Variants in FAM120AOS observed in about 807,000 individuals in gnomAD.
FAM120AOS encodes the protein uncharacterized protein FAM120AOS.
In FAM120AOS, 15 loss-of-function variants were observed where a neutral mutation model predicts 20.2. The ratio of observed to expected loss-of-function variants is 0.74; its 90% CI spans 0.50 to 1.15. The LOEUF is 1.15. Ranked by LOEUF, FAM120AOS falls within the 50% of genes most tolerant of loss-of-function variation. The probability of loss-of-function intolerance (pLI) is 0.00; values close to 1 mark genes in which losing one functional copy is unlikely to be tolerated. For synonymous variants in FAM120AOS, 154 were observed against 154.0 expected (o/e 1.00, Z 0.00); for missense variants, 327 against 351.9 (o/e 0.93, Z 0.57).
At chr9:93,447,820 T>C in intron 2 of FAM120AOS, 123 bp from the exon 3 acceptor site, 1 of 813,088 alleles carries the variant, frequency 1.2e-6, no homozygotes, top group African/African-American at 1.7e-5. Flanking sequence ...CTACTGCTGA[T>C]AACTCATAGT....
At position 93,452,415 on chromosome 9, in the gene FAM120AOS, G is replaced by T; in HGVS notation, c.295C>A (p.Arg99=). The change falls in exon 1 of 3, where the codon CGG becomes AGG. Residue 99 remains arginine, a synonymous_variant. Transcript: ENST00000375412. This position sits in a 1 kb window ranked among gnomAD's most constrained non-coding sequence, Gnocchi z 7.0. ...GIGVRRGPGP[R]PARIPGLTLT... is the part of the protein sequence containing the mutation. ...GTGAGGCCGGGGATCCGGGCGGGCC[G>T]GGGACCGGGGCCGCGCCGCACCCCT... 1.3e-6 allele frequency: 2 copies of T among 1,583,458 alleles called. No homozygotes were observed. Among genetic ancestry groups the T allele is most frequent in the East Asian group, 2.3e-5 (1 of 43,344 alleles).
chr9:93,450,791 T>C (rs1334620103), intron 1 of FAM120AOS, 192 bp from the exon 2 acceptor site: 5 of 1,037,924 alleles, frequency 4.8e-6, no homozygotes, highest in South Asian at 1.4e-5. Flanking sequence ...TGGAACAGAA[T>C]TTACGTAAAC....
In FAM120AOS at chr9:93,452,488, G is replaced by C. The variant is rs777708984; in HGVS notation, c.222C>G (p.Pro74=). The C allele has an allele frequency of 4.5e-6, 7 of 1,544,096 alleles. No homozygotes were observed. In the Admixed American group the frequency reaches 1.4e-4, roughly 30 times the overall value. ...ATGTCGCCCGGCCGTGGCGGCGCTG[G>C]GGGCAGCGAGTTCCCCCAGCCCTTG... ...SRARAGGTRC[P]QRRHGRATFC... The change falls in exon 1 of 3, where the codon CCC becomes CCG. Residue 74 remains proline (P), a synonymous_variant. Coordinates refer to ENST00000375412, the MANE Select transcript of FAM120AOS (RefSeq NM_198841.4). This position sits in a 1 kb window ranked among gnomAD's most constrained non-coding sequence, Gnocchi z 7.0.
chr9:93,447,806 T>C (rs1432868288), intron 2 of FAM120AOS, 109 bp from the exon 3 acceptor site: 8 of 936,268 alleles, frequency 8.5e-6, no homozygotes, highest in South Asian at 1.5e-5. Context: ...TCTCCTACCC[T>C]CTGCTACTGC....
At chr9:93,450,845 C>A in intron 1 of FAM120AOS, 1 of 901,734 alleles carries the variant, frequency 1.1e-6, no homozygotes, top group Non-Finnish European at 1.8e-6. Context: ...AGATTCAAAT[C>A]CCTCTCCCTC....
In FAM120AOS at chr9:93,452,185, C is replaced by T. The variant is rs752079061; in HGVS notation, c.525G>A (p.Ser175=). Reference sequence around the variant, plus strand: ...CCAAGGCCTGCTTCGGCGGCAACATCGAGCTCTTCGTCTTCTTCAACGGCG... The same window carrying T: ...CCAAGGCCTGCTTCGGCGGCAACATTGAGCTCTTCGTCTTCTTCAACGGCG... ...SSAPLKKTKS[S]MLPPKQALAS... Residue 175 remains serine, a synonymous_variant, in exon 1 of 3, where the codon TCG becomes TCA. Coordinates refer to ENST00000375412, the MANE Select transcript of FAM120AOS (RefSeq NM_198841.4). The surrounding 1 kb of genome is among the most constrained non-coding windows in gnomAD (Gnocchi z 7.0). 1.9e-6 allele frequency: 3 copies of T among 1,612,036 alleles called. No homozygotes were observed. The East Asian group carries it at 6.7e-5, about 36-fold the overall frequency.
At position 93,450,494 on chromosome 9, in the gene FAM120AOS, T is replaced by C; in HGVS notation, c.669A>G (p.Ile223Met). Reference protein sequence around the residue: ...HAHGLAKEAPILPVKKISRSC... With the variant: ...HAHGLAKEAPMLPVKKISRSC... Reference sequence around the variant, plus strand: ...TCCAACTTGCCTTTTTCACCGGGAGTATGGGGGCTTCTTTGGCCAAACCGT... The same window carrying C: ...TCCAACTTGCCTTTTTCACCGGGAGCATGGGGGCTTCTTTGGCCAAACCGT... Residue 223 changes from isoleucine (I) to methionine (M), a missense_variant, in exon 2 of 3, where the codon ATA becomes ATG. Around this residue, in one of 3 missense-constraint regions of FAM120AOS, gnomAD observed 86 missense variants for 82.9 expected, o/e 1.04. Coordinates refer to ENST00000375412, the MANE Select transcript of FAM120AOS (RefSeq NM_198841.4). 1 of 1,579,726 alleles carries C rather than the reference T, an allele frequency of 6.3e-7. No individual in the cohort carries two copies.
In FAM120AOS at chr9:93,453,232, G is replaced by T. The variant is rs1009398507; in HGVS notation, c.-523C>A. ...CACAGTAAGTATTCAGTGACCTTCA[G>T]CGGTGCCCTGACGGGTGGGTAATCA... On this transcript the variant is annotated 5_prime_UTR_variant, in exon 1 of 3. It adds an upstream start codon to the 5' untranslated region. Coordinates refer to ENST00000375412, the MANE Select transcript of FAM120AOS (RefSeq NM_198841.4). The T allele has an allele frequency of 1.0e-6, 1 of 996,394 alleles. No homozygotes were observed. Among genetic ancestry groups the T allele is most frequent in the South Asian group, 4.4e-5 (1 of 22,974 alleles). The allele number at this position is 996,394 out of a possible 1,614,324, so 61.7% of individuals were successfully genotyped here.
chr9:93,450,854 T>G, intron 1 of FAM120AOS: 1 of 908,074 alleles, frequency 1.1e-6, no homozygotes, highest in African/African-American at 1.6e-5. Context: ...TCCCTCTCCC[T>G]CAGAAGAGCT....
At chr9:93,451,222 C>T in intron 1 of FAM120AOS, 1 of 1,525,922 alleles carries the variant, frequency 6.6e-7, no homozygotes, top group African/African-American at 1.4e-5. Flanking sequence ...CCGACGGCGG[C>T]GTTAGAAAGG....
At chr9:93,451,703 G>C (rs1857216510) in intron 1 of FAM120AOS, 1 of 984,878 alleles carries the variant, frequency 1.0e-6, no homozygotes. Flanking sequence ...CGCAGCGGCG[G>C]CAGCGGCGGC....
chr9:93,447,843 G>T, intron 2 of FAM120AOS, 146 bp from the exon 3 acceptor site: 1 of 704,900 alleles, frequency 1.4e-6, no homozygotes, highest in Non-Finnish European at 2.3e-6. Flanking sequence ...TGGAGAGATA[G>T]CAGAGCCTGA....
Position 93,445,547 on chromosome 9 carries a change from C to G in FAM120AOS, c.*2064G>C, listed in dbSNP as rs10992738. Among the ~76,000 whole-genome samples the G allele has an allele frequency of 7.0e-6, 1 of 142,534 alleles. No individual in the cohort carries two copies. Among genetic ancestry groups the G allele is most frequent in the African/African-American group, 2.6e-5 (1 of 38,296 alleles). 93.5% of individuals were successfully genotyped at this position (142,534 alleles called of 152,430 possible). A position where few individuals can be genotyped will look rare whatever the true frequency, so the allele number is the denominator to read the frequency against. On this transcript the variant is annotated 3_prime_UTR_variant, in exon 3 of 3. Transcript: ENST00000375412. ...CTGTCATTCTTAGTTCCCACCCAGT[C>G]TTAATCCTGGTTCTCCAACTTTCAT...
rs776983861 is a variant in FAM120AOS at position 93,452,549 on chromosome 9, G to A, written c.161C>T (p.Ser54Phe). The change falls in exon 1 of 3, where the codon TCC (serine) becomes TTC (phenylalanine). Residue 54 changes from serine to phenylalanine, a missense_variant. By Grantham distance (155) the Ser-to-Phe change is radical (BLOSUM62 -2). Coordinates refer to ENST00000375412, the MANE Select transcript of FAM120AOS (RefSeq NM_198841.4). This position sits in a 1 kb window ranked among gnomAD's most constrained non-coding sequence, Gnocchi z 7.0. ...CCTGGCCGGGCCGGGCTGCAAGATG[G>A]ATGGCCGCGGGTGCAGGCCGCGCGC... ...WAARGLHPRPSILQPGPARLS... is the reference protein window; with the variant it reads ...WAARGLHPRPFILQPGPARLS... 6 of 1,579,484 alleles carry A rather than the reference G, an allele frequency of 3.8e-6. No individual in the cohort carries two copies. The highest frequency in any genetic ancestry group is 2.2e-5 in the South Asian group (2 of 89,722).
chr9:93,443,777 T>C lies in FAM120AOS; in HGVS notation c.*3834A>G, dbSNP rs188352356. On this transcript the variant is annotated 3_prime_UTR_variant, in exon 3 of 3. Transcript: ENST00000375412. ...TTAGAGAATCCTCTTTTCAGGTCTT[T>C]GCTCTTCAGGATTTCCCCCCAGACT... is the stretch of plus-strand genomic sequence containing the variant. Among the ~76,000 whole-genome samples the C allele has an allele frequency of 6.6e-6, 1 of 152,286 alleles. No homozygotes were observed. Among genetic ancestry groups the C allele is most frequent in the East Asian group, 1.9e-4 (1 of 5,188 alleles).
At chr9:93,449,610 C>A (rs1455952424) in intron 2 of FAM120AOS, among the ~76,000 whole-genome samples, 2 of 151,256 alleles carry the variant, frequency 1.3e-5, no homozygotes, top group Admixed American at 6.6e-5. Context: ...GCCTCAGCCT[C>A]CCGAGTAGCT....
intron 2 of FAM120AOS, chr9:93,448,384 C>T: frequency 5.7e-6 from 1 of 174,344 alleles, no homozygotes; most frequent in Non-Finnish European, 1.2e-5. Context: ...ATCCCAGCTA[C>T]TCCAGAGGCT....
rs542126794 is a variant in FAM120AOS, at chr9:93,448,825, G to A, written c.685-1128C>T. On this transcript the variant is annotated intron_variant, in intron 2 of 2. Coordinates refer to ENST00000375412, the MANE Select transcript of FAM120AOS (RefSeq NM_198841.4). ...TTTTTAGTAGAGACGGAGTTTCACC[G>A]TGTTAGCCAGGATGGTCTGGATTTC... Among the ~76,000 whole-genome samples, 54 of 151,962 alleles carry A rather than the reference G, an allele frequency of 3.6e-4. 1 individual carries two copies. Among genetic ancestry groups the A allele is most frequent in the Non-Finnish European group, 4.3e-4 (29 of 67,976 alleles).
At position 93,450,575 on chromosome 9, in the gene FAM120AOS, G is replaced by A; in HGVS notation, c.588C>T (p.Cys196=). 1 of 1,606,796 alleles carries A rather than the reference G, an allele frequency of 6.2e-7. No individual in the cohort carries two copies. The highest frequency in any genetic ancestry group is 1.3e-5 in the African/African-American group (1 of 74,486). ...AARNLCRGAG[C]NRQAVAGQLL... ...GCTGTCCGGCCACAGCCTGTCGGTT[G>A]CATCCTGCTCCTCTACAGAGGTTTC... The change falls in exon 2 of 3, where the codon TGC becomes TGT. Residue 196 remains cysteine (C), a synonymous_variant. Coordinates refer to ENST00000375412, the MANE Select transcript of FAM120AOS (RefSeq NM_198841.4).
Sources: allele counts gnomAD v4.1 joint callset (sites outside exome capture counted in the v4.1 genomes callset), GRCh38; gene constraint gnomAD v4.1.1; regional missense constraint gnomAD v4.1.1; non-coding constraint Gnocchi (gnomAD v3.1); transcripts MANE v1.5; gene names NCBI Gene and HGNC (gene_info 2026-07-23, HGNC 2026-07-21).